Variants in CMC1 observed in about 807,000 individuals in gnomAD.
The protein encoded by CMC1 is COX assembly mitochondrial protein homolog.
Under a neutral mutation model 14.1 loss-of-function variants are expected in CMC1, and 14 were observed. That is an observed-to-expected ratio of 0.99 (90% CI 0.66 to 1.55). The LOEUF is 1.55. Among genes scored for constraint, CMC1 ranks in the 40% most tolerant of loss-of-function variants. The pLI is 0.00. For missense variants in CMC1, 127 were observed against 123.8 expected, an observed-to-expected ratio of 1.03 and a Z score of -0.12; for synonymous variants, 50 against 38.4, an observed-to-expected ratio of 1.30 and a Z score of -1.12.
At chr3:28,273,810 A>C (rs1433128100) in intron 2 of CMC1, among the ~76,000 whole-genome samples, 1 of 152,200 alleles carries the variant, frequency 6.6e-6, no homozygotes, top group Non-Finnish European at 1.5e-5. Context: ...TATATTTAGG[A>C]TAATTAGCTC....
At chr3:28,263,425 A>G in intron 2 of CMC1, 45 bp downstream of exon 2, 1 of 1,261,030 alleles carries the variant, frequency 7.9e-7, no homozygotes, top group Middle Eastern at 1.9e-4. Flanking sequence ...ATTTTTAATA[A>G]TATGATCTGA....
At chr3:28,262,632 C>CT (rs1699789673) in intron 1 of CMC1, among the ~76,000 whole-genome samples, 1 of 152,112 alleles carries the variant, frequency 6.6e-6, no homozygotes, top group African/African-American at 2.4e-5. Flanking sequence ...TCTAATCTGC[C>CT]TTTTTTTCTT....
intron 2 of CMC1, among the ~76,000 whole-genome samples, chr3:28,286,997 G>T (rs774619992): frequency 2.1e-4 from 32 of 152,124 alleles, no homozygotes; most frequent in South Asian, 4.2e-4. Flanking sequence ...CATCCTTTTT[G>T]TTTGCTTAAT....
At chr3:28,243,904 TGAA>T (rs1175435488) in intron 1 of CMC1, among the ~76,000 whole-genome samples, 1 of 152,192 alleles carries the variant, frequency 6.6e-6, no homozygotes, top group African/African-American at 2.4e-5. Flanking sequence ...TGGTAGATGG[TGAA>T]GAGATTAGTC....
chr3:28,262,877 C>A (rs769376370), intron 1 of CMC1, among the ~76,000 whole-genome samples: 3 of 152,100 alleles, frequency 2.0e-5, no homozygotes, highest in Non-Finnish European at 4.4e-5. Flanking sequence ...GCTACTCTTA[C>A]TACTAGGTAG....
At chr3:28,283,517 TCAACAG>T (rs1259270143) in intron 2 of CMC1, among the ~76,000 whole-genome samples, 1 of 120,266 alleles carries the variant, frequency 8.3e-6, no homozygotes, top group African/African-American at 3.2e-5. Context: ...AGACTCCATC[TCAACAG>T]CAACAACAAC....
Position 28,269,357 on chromosome 3 carries a change from A to G in CMC1, c.109+5977A>G, listed in dbSNP as rs146347116. ...AACAGGACAGTTTTGCAATAAAATT[A>G]TATGTAGTTGGACATAAATACCCTT... On this transcript the variant is annotated intron_variant, in intron 2 of 3. Transcript: ENST00000466830. Among the ~76,000 whole-genome samples the G allele has an allele frequency of 2.0e-5, 3 of 152,346 alleles. No individual in the cohort carries two copies. In the East Asian group the frequency reaches 5.8e-4, roughly 29 times the overall value.
intron 2 of CMC1, chr3:28,316,126 A>G (rs17695765): frequency 0.24 from 87,132 of 363,610 alleles, 11,781 homozygotes; most frequent in Middle Eastern, 0.3. Flanking sequence ...TTACTGGTGT[A>G]CATGTCTTTT....
chr3:28,322,251 C>A lies in CMC1; in HGVS notation c.*2622C>A, dbSNP rs1454092944. On this transcript the variant is annotated 3_prime_UTR_variant, in exon 4 of 4. Transcript: ENST00000466830. ...TAAATGGAAAATAATTTTCTCCACT[C>A]AAAAGCTGGTTTAACAAATGTCTAT... 6.6e-6 allele frequency: 1 copy of A among 151,238 alleles called. No individual in the cohort carries two copies. Among genetic ancestry groups the A allele is most frequent in the African/African-American group, 2.4e-5 (1 of 41,332 alleles). The allele number at this position is 151,238 out of a possible 1,614,324, so 9.4% of individuals were successfully genotyped here.
intron 2 of CMC1, among the ~76,000 whole-genome samples, chr3:28,300,593 CTCTT>C (rs1252034795): frequency 2.0e-5 from 3 of 147,724 alleles, no homozygotes; most frequent in South Asian, 2.1e-4. Context: ...ATTTCTATCT[CTCTT>C]CCTTCCTTCC....
intron 2 of CMC1, among the ~76,000 whole-genome samples, chr3:28,270,790 A>G (rs998332270): frequency 1.3e-5 from 2 of 151,776 alleles, no homozygotes; most frequent in Non-Finnish European, 2.9e-5. Context: ...CTTTTGTTGC[A>G]ATTGGTTTTG....
intron 2 of CMC1, among the ~76,000 whole-genome samples, chr3:28,285,075 T>G (rs1701102894): frequency 6.6e-6 from 1 of 152,222 alleles, no homozygotes; most frequent in Admixed American, 6.5e-5. Flanking sequence ...GAAATTGCTT[T>G]GTGATTATTG....
At chr3:28,277,976 A>T (rs1700666927) in intron 2 of CMC1, among the ~76,000 whole-genome samples, 1 of 110,184 alleles carries the variant, frequency 9.1e-6, no homozygotes, top group Non-Finnish European at 1.9e-5. Context: ...ATTTATAATC[A>T]GCTCTCATTG....
intron 2 of CMC1, among the ~76,000 whole-genome samples, chr3:28,266,072 A>G (rs1224671443): frequency 1.3e-5 from 2 of 152,150 alleles, no homozygotes; most frequent in Non-Finnish European, 2.9e-5. Context: ...CCAGGTTGCT[A>G]TATTCTTACT....
At chr3:28,264,924 A>G (rs1398625914) in intron 2 of CMC1, among the ~76,000 whole-genome samples, 1 of 152,188 alleles carries the variant, frequency 6.6e-6, no homozygotes, top group Non-Finnish European at 1.5e-5. Flanking sequence ...CATAATTCCA[A>G]GGAAAATGCA....
chr3:28,253,537 C>T (rs1378661540), intron 1 of CMC1, among the ~76,000 whole-genome samples: 4 of 152,050 alleles, frequency 2.6e-5, no homozygotes, highest in Admixed American at 6.6e-5. Flanking sequence ...GCTGTGATCA[C>T]GCCATTGCGC....
At chr3:28,317,440 A>C (rs1702982760) in intron 3 of CMC1, 1 of 152,000 alleles carries the variant, frequency 6.6e-6, no homozygotes, top group African/African-American at 2.4e-5. Context: ...TCTGTGACTT[A>C]ATATTCTTTC....
intron 2 of CMC1, among the ~76,000 whole-genome samples, chr3:28,280,588 A>T (rs1489663558): frequency 6.6e-6 from 1 of 152,162 alleles, no homozygotes; most frequent in African/African-American, 2.4e-5. Flanking sequence ...AAATTCATAA[A>T]TGTGGCTACT....
rs1703165093 is a variant in CMC1 at position 28,320,872 on chromosome 3, T to A, written c.*1243T>A. 6.6e-6 allele frequency: 1 copy of A among 151,344 alleles called. No homozygotes were observed. Among genetic ancestry groups the A allele is most frequent in the African/African-American group, 2.4e-5 (1 of 41,320 alleles). The allele number at this position is 151,344 out of a possible 1,614,324, so 9.4% of individuals were successfully genotyped here. A position where few individuals can be genotyped will look rare whatever the true frequency, so the allele number is the denominator to read the frequency against. On this transcript the variant is annotated 3_prime_UTR_variant, in exon 4 of 4. Transcript: ENST00000466830. ...TCTTCCACAGCCATTGTAACTAGTTTCAAGATAAGTAAATTTTACGTATAT... is the reference window on the plus strand; with the variant it reads ...TCTTCCACAGCCATTGTAACTAGTTACAAGATAAGTAAATTTTACGTATAT...
Sources: allele counts gnomAD v4.1 joint callset (sites outside exome capture counted in the v4.1 genomes callset), GRCh38; gene constraint gnomAD v4.1.1; transcripts MANE v1.5; gene names NCBI Gene and HGNC (gene_info 2026-07-23, HGNC 2026-07-21).